NDST4: variants seen among roughly 807,000 people sequenced by gnomAD.
NDST4 encodes the protein N-heparan sulfate sulfotransferase 4.
NDST4 carries 63 observed loss-of-function variants against 100.8 expected under a neutral mutation model. The ratio of observed to expected loss-of-function variants is 0.62; its 90% CI spans 0.51 to 0.77. The LOEUF is 0.77. Ranked by LOEUF, NDST4 falls within the 30% of genes least tolerant of loss-of-function variation. The pLI, the probability that NDST4 is intolerant of heterozygous loss-of-function variation, is 0.00. For synonymous variants in NDST4, 377 were observed against 361.8 expected (o/e 1.04, Z -0.48); for missense variants, 943 against 1,018.4 (o/e 0.93, Z 1.01).
chr4:114,929,204 G>T (rs770602344), intron 6 of NDST4, among the ~76,000 whole-genome samples: 3 of 151,198 alleles, frequency 2.0e-5, no homozygotes, highest in Non-Finnish European at 4.4e-5. Context: ...GGAGAACCCC[G>T]TCTAAGACAT....
chr4:114,869,544 AT>A (rs1308765784), intron 7 of NDST4, among the ~76,000 whole-genome samples: 1 of 152,124 alleles, frequency 6.6e-6, no homozygotes, highest in Admixed American at 6.6e-5. Flanking sequence ...ATATATGCGC[AT>A]AATACTTATG....
In NDST4 at chr4:114,852,772, G is replaced by T; in HGVS notation, c.1769C>A (p.Thr590Asn). The T allele has an allele frequency of 6.2e-7, 1 of 1,612,818 alleles. No homozygotes were observed. The highest frequency in any genetic ancestry group is 8.5e-7 in the Non-Finnish European group (1 of 1,179,330). Residue 590 changes from threonine to asparagine, a missense_variant, in exon 8 of 14, where the codon ACT becomes AAT. This residue lies in a region of NDST4 where 526 missense variants were observed against 634.1 expected (regional missense o/e 0.83). Coordinates refer to ENST00000264363, the MANE Select transcript of NDST4 (RefSeq NM_022569.3). ...RHKDIWSREKTCDHLPKFLVI... is the reference protein window; with the variant it reads ...RHKDIWSREKNCDHLPKFLVI... ...TAGAAATTTTGGTAAGTGGTCACAA[G>T]TTTTCTCTCTGGACCAGATGTCTTT... is the stretch of plus-strand genomic sequence containing the variant.
chr4:114,953,726 AC>A (rs1373251055), intron 4 of NDST4, among the ~76,000 whole-genome samples: 1 of 152,158 alleles, frequency 6.6e-6, no homozygotes, highest in African/African-American at 2.4e-5. Context: ...CAAATGCTGA[AC>A]TTTTCAAGTG....
intron 11 of NDST4, among the ~76,000 whole-genome samples, chr4:114,838,830 CAA>C: frequency 6.8e-6 from 1 of 147,470 alleles, no homozygotes; most frequent in East Asian, 2.0e-4. Context: ...AAGATCAATA[CAA>C]AAAAAAATAT....
At chr4:114,947,388 A>G (rs1429630588) in intron 4 of NDST4, among the ~76,000 whole-genome samples, 3 of 152,212 alleles carry the variant, frequency 2.0e-5, no homozygotes, top group Non-Finnish European at 4.4e-5. Context: ...AGTGAGGGAC[A>G]ACAAAGATGT....
chr4:114,925,167 A>G (rs916353541), intron 6 of NDST4, among the ~76,000 whole-genome samples: 1 of 152,092 alleles, frequency 6.6e-6, no homozygotes, highest in Non-Finnish European at 1.5e-5. Flanking sequence ...CTGTGTTTCT[A>G]TGTGGTTTCT....
intron 12 of NDST4, among the ~76,000 whole-genome samples, chr4:114,831,605 C>G (rs918141816): frequency 1.3e-5 from 2 of 152,092 alleles, no homozygotes; most frequent in Admixed American, 6.6e-5. Flanking sequence ...CAGGTAATGC[C>G]GAGGTCTCAG....
At chr4:114,994,459 A>T (rs2126253072) in intron 2 of NDST4, among the ~76,000 whole-genome samples, 1 of 152,044 alleles carries the variant, frequency 6.6e-6, no homozygotes, top group East Asian at 1.9e-4. Context: ...GCCTAAAAGT[A>T]CCTAGAACAC....
At chr4:115,048,097 A>ATT (rs34190385) in intron 2 of NDST4, among the ~76,000 whole-genome samples, 24,204 of 146,826 alleles carry the variant, frequency 0.16, 2,310 homozygotes, top group East Asian at 0.45. Context: ...GAAGTTTATA[A>ATT]TTTTTTTTTT....
At chr4:114,992,150 AT>A (rs922307792) in intron 2 of NDST4, among the ~76,000 whole-genome samples, 3 of 151,524 alleles carry the variant, frequency 2.0e-5, no homozygotes, top group Admixed American at 6.6e-5. Context: ...TACATACTTT[AT>A]TTTTTTTCAG....
At chr4:115,051,029 A>G (rs1490929245) in intron 2 of NDST4, among the ~76,000 whole-genome samples, 1 of 152,074 alleles carries the variant, frequency 6.6e-6, no homozygotes, top group Non-Finnish European at 1.5e-5. Flanking sequence ...AAGAGTTTCA[A>G]GTTAAACAAT....
intron 2 of NDST4, among the ~76,000 whole-genome samples, chr4:115,021,921 C>T (rs888658604): frequency 1.3e-5 from 2 of 151,572 alleles, no homozygotes; most frequent in African/African-American, 4.8e-5. Context: ...ATATATGTTC[C>T]ACATCTATAC....
At chr4:114,828,262 G>A (rs1378730258) in intron 13 of NDST4, among the ~76,000 whole-genome samples, 2 of 152,068 alleles carry the variant, frequency 1.3e-5, no homozygotes, top group African/African-American at 2.4e-5. Flanking sequence ...GATAGGGACT[G>A]CATGAGGAAT....
chr4:114,842,413 G>C (rs1033600765), intron 10 of NDST4, among the ~76,000 whole-genome samples: 1 of 151,568 alleles, frequency 6.6e-6, no homozygotes, highest in Non-Finnish European at 1.5e-5. Context: ...CTTCAACCCA[G>C]GGATTCTCAA....
chr4:115,106,633 G>A (rs1442719452), intron 1 of NDST4, among the ~76,000 whole-genome samples: 1 of 152,046 alleles, frequency 6.6e-6, no homozygotes, highest in African/African-American at 2.4e-5. Context: ...AAAAATGCCT[G>A]CACATGTTTA....
chr4:114,944,026 G>T (rs1368698904), intron 4 of NDST4, among the ~76,000 whole-genome samples: 1 of 152,168 alleles, frequency 6.6e-6, no homozygotes, highest in Non-Finnish European at 1.5e-5. Context: ...GAAGCAGAGA[G>T]GAGATTTAGA....
chr4:115,075,509 G>A (rs536701314), intron 2 of NDST4, among the ~76,000 whole-genome samples: 15 of 152,244 alleles, frequency 9.9e-5, no homozygotes, highest in East Asian at 1.9e-4. Flanking sequence ...CAAGGAGGCC[G>A]GGTGCAGTGG....
At chr4:114,860,549 G>A (rs375022118) in intron 7 of NDST4, among the ~76,000 whole-genome samples, 1 of 152,118 alleles carries the variant, frequency 6.6e-6, no homozygotes, top group Non-Finnish European at 1.5e-5. Flanking sequence ...ACCACCAGCT[G>A]TAAAATGGCT....
In NDST4 at chr4:114,986,832, A is replaced by ATATATATATATTTTTTTTTTTT; in HGVS notation, c.979-9559_979-9558insAAAAAAAAAAAATATATATATA. Among the ~76,000 whole-genome samples, 18 of 94,650 alleles carry ATATATATATATTTTTTTTTTTT rather than the reference A, an allele frequency of 1.9e-4. 2 individuals carry two copies. Among genetic ancestry groups the ATATATATATATTTTTTTTTTTT allele is most frequent in the South Asian group, 8.6e-4 (2 of 2,336 alleles). The allele number at this position is 94,650 out of a possible 152,430, so 62.1% of individuals were successfully genotyped here. Reference sequence around the variant, plus strand: ...TATATATATATATATATATATATATATTTTAATATACTATTCCTATAAGCT... The same window carrying ATATATATATATTTTTTTTTTTT: ...TATATATATATATATATATATATATATATATATATATTTTTTTTTTTTTTTTAATATACTATTCCTATAAGCT... On this transcript the variant is annotated intron_variant, in intron 2 of 13. Coordinates refer to ENST00000264363, the MANE Select transcript of NDST4 (RefSeq NM_022569.3).
Sources: gnomAD v4.1 joint callset for allele counts (sites outside exome capture counted in the v4.1 genomes callset) on GRCh38, gnomAD v4.1.1 for gene constraint, gnomAD v4.1.1 regional missense constraint, MANE v1.5 for transcripts, NCBI Gene and HGNC (gene_info 2026-07-23, HGNC 2026-07-21) for gene names.